Variants in ERN1 observed in about 807,000 individuals in gnomAD.
ERN1 encodes the protein serine/threonine-protein kinase/endoribonuclease IRE1.
In ERN1, 39 loss-of-function variants were observed where a neutral mutation model predicts 113.1. The ratio of observed to expected loss-of-function variants is 0.34; its 90% CI spans 0.27 to 0.45. The LOEUF is 0.45. Ranked by LOEUF, ERN1 falls within the 20% of genes least tolerant of loss-of-function variation. ERN1 has a pLI of 1.00. For synonymous variants in ERN1, 507 were observed against 515.9 expected (o/e 0.98, Z 0.23); for missense variants, 976 against 1,274.8 (o/e 0.77, Z 3.57).
intron 2 of ERN1, among the ~76,000 whole-genome samples, chr17:64,082,382 T>C (rs1913794095): frequency 6.6e-6 from 1 of 152,104 alleles, no homozygotes. Context: ...ACCACACTCA[T>C]CCTACTGAAA....
At chr17:64,117,722 C>G (rs1406802711) in intron 1 of ERN1, among the ~76,000 whole-genome samples, 2 of 152,142 alleles carry the variant, frequency 1.3e-5, no homozygotes, top group Non-Finnish European at 2.9e-5. Flanking sequence ...CTATACAAGA[C>G]AGGTGAGCGA....
At chr17:64,095,545 T>C (rs531153157) in intron 2 of ERN1, among the ~76,000 whole-genome samples, 38 of 152,328 alleles carry the variant, frequency 2.5e-4, no homozygotes, top group African/African-American at 9.1e-4. Context: ...ACTGATTCTA[T>C]TTCTGGCTTG....
At chr17:64,081,965 C>G (rs763412833) in intron 2 of ERN1, among the ~76,000 whole-genome samples, 2 of 152,150 alleles carry the variant, frequency 1.3e-5, no homozygotes, top group Non-Finnish European at 2.9e-5. Flanking sequence ...AACCAAAACC[C>G]CACAGCCATG....
In ERN1 at chr17:64,049,820, G is replaced by A. The variant is rs181180735; in HGVS notation, c.2254-618C>T. Among the ~76,000 whole-genome samples, 2 of 152,272 alleles carry A rather than the reference G, an allele frequency of 1.3e-5. No individual in the cohort carries two copies. Among genetic ancestry groups the A allele is most frequent in the African/African-American group, 4.8e-5 (2 of 41,540 alleles). On this transcript the variant is annotated intron_variant, in intron 17 of 21. Transcript: ENST00000433197. The surrounding 1 kb of genome is among the most constrained non-coding windows in gnomAD (Gnocchi z 4.7). Reference sequence around the variant, plus strand: ...CTGTGTCTACAGAATAGCTTCCTTCGAGGGAAATGTACGTTTGTGTTTTTT... The same window carrying A: ...CTGTGTCTACAGAATAGCTTCCTTCAAGGGAAATGTACGTTTGTGTTTTTT...
intron 2 of ERN1, among the ~76,000 whole-genome samples, chr17:64,082,240 T>G (rs144191630): frequency 3.3e-5 from 5 of 152,246 alleles, no homozygotes; most frequent in African/African-American, 1.2e-4. Flanking sequence ...AACAAACAAC[T>G]CACTAAACCA....
Position 64,047,955 on chromosome 17 carries a change from T to C in ERN1, c.2432A>G (p.Lys811Arg), listed in dbSNP as rs774322362. Residue 811 changes from lysine to arginine, a missense_variant, in exon 19 of 22, where the codon AAG becomes AGG. Physicochemically the swap from Lys to Arg is conservative, Grantham distance 26 (BLOSUM62 2). Coordinates refer to ENST00000433197, the MANE Select transcript of ERN1 (RefSeq NM_001433.5). ...EDVIARELIE[K>R]MIAMDPQKRP... ...TTTCTGAGGATCCATCGCAATCATC[T>C]TCTCTATCAATTCACGTGCAATGAC... is the stretch of plus-strand genomic sequence containing the variant. 1 of 1,613,436 alleles carries C rather than the reference T, an allele frequency of 6.2e-7. No individual in the cohort carries two copies. The highest frequency in any genetic ancestry group is 1.7e-5 in the Admixed American group (1 of 60,018).
intron 1 of ERN1, among the ~76,000 whole-genome samples, chr17:64,107,067 A>G (rs1248151344): frequency 6.6e-6 from 1 of 152,216 alleles, no homozygotes; most frequent in East Asian, 1.9e-4. Context: ...TTCTAATACC[A>G]TTTCATCACA....
intron 2 of ERN1, among the ~76,000 whole-genome samples, chr17:64,084,502 G>A (rs368570977): frequency 2.4e-4 from 36 of 149,418 alleles, no homozygotes; most frequent in African/African-American, 8.6e-4. Flanking sequence ...ACTTAAGCTC[G>A]TGGAGCCTCA....
At chr17:64,066,395 C>T (rs1451032461) in intron 8 of ERN1, among the ~76,000 whole-genome samples, 2 of 152,090 alleles carry the variant, frequency 1.3e-5, no homozygotes, top group African/African-American at 4.8e-5. Flanking sequence ...CCCACCTCAG[C>T]CTCTCAAGTA....
chr17:64,065,014 G>C (rs1374191225), intron 9 of ERN1, among the ~76,000 whole-genome samples, 195 bp downstream of exon 9: 1 of 152,186 alleles, frequency 6.6e-6, no homozygotes, highest in Non-Finnish European at 1.5e-5. Flanking sequence ...GGGATTCCTC[G>C]GCTTTAAGAA....
chr17:64,052,217 A>T (rs1912706884), intron 17 of ERN1, among the ~76,000 whole-genome samples: 1 of 152,190 alleles, frequency 6.6e-6, no homozygotes, highest in Non-Finnish European at 1.5e-5. Flanking sequence ...AATTTTCTCT[A>T]TGTCTAAAAA....
chr17:64,056,016 G>T, intron 12 of ERN1, 68 bp from the exon 13 acceptor site: 2 of 1,474,844 alleles, frequency 1.4e-6, no homozygotes, highest in Admixed American at 2.4e-5. Context: ...GCTGGGAAGG[G>T]ACAGGTCCCA....
Position 64,044,341 on chromosome 17 carries a change from G to T in ERN1, c.2722-141C>A. 1.6e-6 allele frequency: 1 copy of T among 621,806 alleles called. No individual in the cohort carries two copies. The highest frequency in any genetic ancestry group is 2.6e-6 in the Non-Finnish European group (1 of 382,688). 38.5% of individuals were successfully genotyped at this position (621,806 alleles called of 1,614,324 possible). Reference sequence around the variant, plus strand: ...GTAAAGAAAAAGAAAAAAGGCTTATGTATCCAAGAATCCAGCCCCGTCATC... The same window carrying T: ...GTAAAGAAAAAGAAAAAAGGCTTATTTATCCAAGAATCCAGCCCCGTCATC... On this transcript the variant is annotated intron_variant, in intron 21 of 21. Coordinates refer to ENST00000433197, the MANE Select transcript of ERN1 (RefSeq NM_001433.5). This position sits in a 1 kb window ranked among gnomAD's most constrained non-coding sequence, Gnocchi z 4.1.
rs1366340775 is a variant in ERN1, at chr17:64,040,588, T to G, written c.*3400A>C. ...TCAGGGTCAACTCTGATAAGGCCCT[T>G]TCTTCTAGAGTTGGTGGGAAGAAAC... On this transcript the variant is annotated 3_prime_UTR_variant, in exon 22 of 22. Coordinates refer to ENST00000433197, the MANE Select transcript of ERN1 (RefSeq NM_001433.5). 6.6e-6 allele frequency: 1 copy of G among 152,210 alleles called. No individual in the cohort carries two copies. Among genetic ancestry groups the G allele is most frequent in the Non-Finnish European group, 1.5e-5 (1 of 68,052 alleles). 9.4% of individuals were successfully genotyped at this position (152,210 alleles called of 1,614,324 possible).
At chr17:64,077,523 C>T (rs1038664391) in intron 4 of ERN1, among the ~76,000 whole-genome samples, 2 of 152,094 alleles carry the variant, frequency 1.3e-5, no homozygotes, top group East Asian at 1.9e-4. Flanking sequence ...AAGTGAATGG[C>T]AGCGTGTGGC....
chr17:64,101,811 A>C (rs115437162), intron 1 of ERN1, among the ~76,000 whole-genome samples: 218 of 152,324 alleles, frequency 1.4e-3, no homozygotes, highest in African/African-American at 4.8e-3. Flanking sequence ...AGTGCCCCCA[A>C]GTATATCTTA....
chr17:64,079,356 G>C (rs1397460581), intron 4 of ERN1, among the ~76,000 whole-genome samples: 1 of 152,170 alleles, frequency 6.6e-6, no homozygotes, highest in East Asian at 1.9e-4. Flanking sequence ...CCCTCCTAAG[G>C]TGAGGGTCAC....
intron 2 of ERN1, among the ~76,000 whole-genome samples, chr17:64,097,630 A>C (rs1914266582): frequency 6.6e-6 from 1 of 152,234 alleles, no homozygotes; most frequent in African/African-American, 2.4e-5. Flanking sequence ...AAAGAAGCTC[A>C]GTCTTTATTC....
chr17:64,067,700 G>A (rs1274666526), intron 7 of ERN1, among the ~76,000 whole-genome samples: 1 of 152,066 alleles, frequency 6.6e-6, no homozygotes, highest in Non-Finnish European at 1.5e-5. Flanking sequence ...AGAGAAAAAC[G>A]AAAATATTCT....
Sources: gnomAD v4.1 joint callset for allele counts (sites outside exome capture counted in the v4.1 genomes callset) on GRCh38, gnomAD v4.1.1 for gene constraint, Gnocchi (gnomAD v3.1) non-coding constraint, MANE v1.5 for transcripts, NCBI Gene and HGNC (gene_info 2026-07-23, HGNC 2026-07-21) for gene names.